Variants in CCT5 observed in about 807,000 individuals in gnomAD.
CCT5 encodes the protein T-complex protein 1 subunit epsilon.
In CCT5, 6 loss-of-function variants were observed where a neutral mutation model predicts 55.0. The ratio of observed to expected loss-of-function variants is 0.11; its 90% CI spans 0.06 to 0.22. The LOEUF (loss-of-function observed/expected upper bound fraction) is 0.22, where lower values mean the gene tolerates loss of function less well. Among genes scored for constraint, CCT5 ranks in the 10% least tolerant of loss-of-function variants. CCT5 has a pLI of 1.00. For synonymous variants in CCT5, 231 were observed against 243.7 expected, an observed-to-expected ratio of 0.95 and a Z score of 0.49; for missense variants, 560 against 694.6, an observed-to-expected ratio of 0.81 and a Z score of 2.18.
At chr5:10,250,835 C>A in intron 1 of CCT5, 1 of 1,074,350 alleles carries the variant, frequency 9.3e-7, no homozygotes, top group East Asian at 7.9e-5. Context: ...GGCGCTGCTG[C>A]TTAACCTTTC....
Position 10,260,833 on chromosome 5 carries a change from C to T in CCT5, c.915C>T (p.Gly305=), listed in dbSNP as rs199781336. 20 of 1,613,884 alleles carry T rather than the reference C, an allele frequency of 1.2e-5. No homozygotes were observed. Among genetic ancestry groups the T allele is most frequent in the Middle Eastern group, 1.6e-4 (1 of 6,066 alleles). ...TGANLAICQW[G]FDDEANHLLL... ...CTAACCTAGCAATTTGTCAGTGGGG[C>T]TTTGATGATGAAGCAAATCACTTAC... is the stretch of plus-strand genomic sequence containing the variant. Residue 305 remains glycine (G), a synonymous_variant, in exon 7 of 11, where the codon GGC becomes GGT. Coordinates refer to ENST00000280326, the MANE Select transcript of CCT5 (RefSeq NM_012073.5).
intron 9 of CCT5, 79 bp from the exon 10 acceptor site, chr5:10,263,055 G>A: frequency 8.6e-7 from 1 of 1,165,076 alleles, no homozygotes; most frequent in South Asian, 1.2e-5. Context: ...CAAAGTATGT[G>A]ATACAGTTGT....
At chr5:10,257,326 A>G (rs1000824841) in intron 4 of CCT5, among the ~76,000 whole-genome samples, 3 of 152,218 alleles carry the variant, frequency 2.0e-5, no homozygotes, top group Non-Finnish European at 4.4e-5. Context: ...TGTCACAAGT[A>G]TAACACTTAT....
At chr5:10,250,870 C>T in intron 1 of CCT5, 1 of 1,044,960 alleles carries the variant, frequency 9.6e-7, no homozygotes, top group Non-Finnish European at 1.2e-6. Flanking sequence ...AACGGCCCTT[C>T]CGTTTTCTTT....
chr5:10,250,417 C>G lies in CCT5; in HGVS notation c.77C>G (p.Ser26Cys). The G allele has an allele frequency of 6.2e-7, 1 of 1,613,928 alleles. No homozygotes were observed. Among genetic ancestry groups the G allele is most frequent in the Non-Finnish European group, 8.5e-7 (1 of 1,180,050 alleles). ...FLIIKDQDRK[S>C]RLMGLEALKS... ...ATCATCAAGGATCAGGACCGCAAGTCCCGTCTTATGGGACTTGAGGCCCTC... is the reference window on the plus strand; with the variant it reads ...ATCATCAAGGATCAGGACCGCAAGTGCCGTCTTATGGGACTTGAGGCCCTC... Residue 26 changes from serine (S) to cysteine (C), a missense_variant, in exon 1 of 11, where the codon TCC (serine) becomes TGC (cysteine). By Grantham distance (112) the Ser-to-Cys change is moderately radical. Around this residue, in one of 4 missense-constraint regions of CCT5, gnomAD observed 137 missense variants for 181.9 expected, o/e 0.75. Transcript: ENST00000280326.
At chr5:10,261,401 A>G (rs951633686) in intron 7 of CCT5, among the ~76,000 whole-genome samples, 159 bp from the exon 8 acceptor site, 17 of 152,170 alleles carry the variant, frequency 1.1e-4, no homozygotes, top group African/African-American at 4.1e-4. Context: ...TTACCTAGCA[A>G]GGTGCTTTGG....
chr5:10,260,658 C>T, intron 6 of CCT5, 134 bp from the exon 7 acceptor site: 1 of 901,744 alleles, frequency 1.1e-6, no homozygotes, highest in Non-Finnish European at 1.8e-6. Flanking sequence ...CTATTTCCTT[C>T]CTTCTCTTTC....
rs1430776510 is a variant in CCT5 at position 10,250,433 on chromosome 5, T to C, written c.93T>C (p.Leu31=). 3 of 1,613,396 alleles carry C rather than the reference T, an allele frequency of 1.9e-6. No homozygotes were observed. Among genetic ancestry groups the C allele is most frequent in the Admixed American group, 1.7e-5 (1 of 60,008 alleles). Residue 31 remains leucine (L), a synonymous_variant, in exon 1 of 11, where the codon CTT becomes CTC. Transcript: ENST00000280326. The part of the protein sequence containing the change: ...DQDRKSRLMG[L]EALKSHIMAA... ...ACCGCAAGTCCCGTCTTATGGGACTTGAGGCCCTCAAGGTAATGGCACAGG... is the reference window on the plus strand; with the variant it reads ...ACCGCAAGTCCCGTCTTATGGGACTCGAGGCCCTCAAGGTAATGGCACAGG...
chr5:10,256,918 C>CT (rs1432680509), intron 4 of CCT5, among the ~76,000 whole-genome samples: 2 of 152,126 alleles, frequency 1.3e-5, no homozygotes. Flanking sequence ...ACTGCCAGGT[C>CT]TTATGGGCAC....
At chr5:10,253,342 C>T (rs1399786026) in intron 1 of CCT5, among the ~76,000 whole-genome samples, 1 of 144,464 alleles carries the variant, frequency 6.9e-6, no homozygotes, top group Non-Finnish European at 1.5e-5. Context: ...AAAAAAAAGG[C>T]CAGTCAGTAA....
At chr5:10,259,319 A>C (rs562247341) in intron 6 of CCT5, among the ~76,000 whole-genome samples, 22 of 152,310 alleles carry the variant, frequency 1.4e-4, no homozygotes, top group African/African-American at 4.8e-4. Context: ...AGTACTCAAG[A>C]AGACAGGAAC....
At chr5:10,255,104 G>T (rs1402323618) in intron 3 of CCT5, 5 of 470,514 alleles carry the variant, frequency 1.1e-5, no homozygotes, top group African/African-American at 9.8e-5. Flanking sequence ...AGCTATAAAG[G>T]ATGTTTGGGA....
intron 6 of CCT5, 59 bp from the exon 7 acceptor site, chr5:10,260,733 T>G: frequency 6.3e-7 from 1 of 1,597,750 alleles, no homozygotes; most frequent in Non-Finnish European, 8.6e-7. Context: ...TTTCAAACAT[T>G]GTAATGAAGA....
At chr5:10,250,176 A>T, upstream of CCT5, 1 of 1,542,162 alleles carries the variant, frequency 6.5e-7, no homozygotes, top group Non-Finnish European at 8.7e-7. Flanking sequence ...CGCCGATTCC[A>T]GAAGATACTG....
At chr5:10,258,626 A>G (rs1200914274) in intron 6 of CCT5, 91 bp downstream of exon 6, 1 of 1,225,836 alleles carries the variant, frequency 8.2e-7, no homozygotes, top group Admixed American at 1.7e-5. Flanking sequence ...GTCTTTCTTC[A>G]GTTCTAAAAC....
chr5:10,258,754 C>G (rs529015595), intron 6 of CCT5, among the ~76,000 whole-genome samples: 2 of 152,210 alleles, frequency 1.3e-5, no homozygotes, highest in Non-Finnish European at 2.9e-5. Flanking sequence ...AATCCCAGCA[C>G]TTTGGGAGGC....
In CCT5 at chr5:10,254,585, A is replaced by G; in HGVS notation, c.167-89A>G. ...TATTTGTATATAATAAATTGCACAGATAAGAGCTGGGTCAGGAGGTCTTGT... is the reference window on the plus strand; with the variant it reads ...TATTTGTATATAATAAATTGCACAGGTAAGAGCTGGGTCAGGAGGTCTTGT... On this transcript the variant is annotated intron_variant, in intron 2 of 10. Transcript: ENST00000280326. The G allele has an allele frequency of 1.5e-5, 17 of 1,121,216 alleles. No homozygotes were observed. The South Asian group carries it at 1.9e-4, about 12-fold the overall frequency. The allele number at this position is 1,121,216 out of a possible 1,614,324, so 69.5% of individuals were successfully genotyped here. A position where few individuals can be genotyped will look rare whatever the true frequency, so the allele number is the denominator to read the frequency against.
At chr5:10,261,799 G>A (rs1205531031) in intron 8 of CCT5, 54 bp downstream of exon 8, 1 of 1,465,682 alleles carries the variant, frequency 6.8e-7, no homozygotes. Context: ...TCATGGTCTG[G>A]CTTTTTTGCC....
At chr5:10,250,095 C>A, upstream of CCT5, 1 of 1,536,554 alleles carries the variant, frequency 6.5e-7, no homozygotes, top group South Asian at 1.2e-5. Flanking sequence ...CTTGTGTGTC[C>A]TAAGATTTCC....
Sources: allele counts gnomAD v4.1 joint callset (sites outside exome capture counted in the v4.1 genomes callset), GRCh38; gene constraint gnomAD v4.1.1; regional missense constraint gnomAD v4.1.1; transcripts MANE v1.5; gene names NCBI Gene and HGNC (gene_info 2026-07-23, HGNC 2026-07-21).